The following NEDD4L variants were observed in gnomAD, a reference collection of about 807,000 sequenced individuals.
The protein encoded by NEDD4L is NEDD4 like E3 ubiquitin protein ligase, also known as E3 ubiquitin-protein ligase NEDD4-like.
A neutral mutation model predicts 148.9 loss-of-function variants in NEDD4L; 54 were observed. The observed-to-expected ratio is 0.36, with a 90% CI of 0.29 to 0.45. The LOEUF (loss-of-function observed/expected upper bound fraction) is 0.45. Ranked by LOEUF, NEDD4L falls within the 20% of genes least tolerant of loss-of-function variation. The pLI is 1.00. For synonymous variants in NEDD4L, 433 were observed against 440.7 expected, an observed-to-expected ratio of 0.98 and a Z score of 0.22; for missense variants, 856 against 1,233.8, an observed-to-expected ratio of 0.69 and a Z score of 4.59.
At chr18:58,354,931 G>A (rs1235372045) in intron 18 of NEDD4L, among the ~76,000 whole-genome samples, 3 of 152,200 alleles carry the variant, frequency 2.0e-5, no homozygotes, top group Admixed American at 1.3e-4. Flanking sequence ...ATGCGTGGAG[G>A]TGTGTGAATA....
intron 1 of NEDD4L, among the ~76,000 whole-genome samples, chr18:58,127,666 C>T (rs1313699231): frequency 6.6e-6 from 1 of 151,946 alleles, no homozygotes; most frequent in African/African-American, 2.4e-5. Flanking sequence ...CAGTGAAACC[C>T]CATCTCTACT....
At position 58,330,748 on chromosome 18, in the gene NEDD4L, C is replaced by T; in HGVS notation, c.824C>T (p.Thr275Ile). ...EGGDVPEPWE[T>I]ISEEVNIAGD... ...CTCCTTCTCTGAAAGCCTTGGGAGA[C>T]CATTTCAGAGGAAGTGAATATCGCT... Residue 275 changes from threonine to isoleucine, a missense_variant, in exon 11 of 31, where the codon ACC becomes ATC. By Grantham distance (89) the Thr-to-Ile change is moderately conservative. Around this residue, in one of 4 missense-constraint regions of NEDD4L, gnomAD observed 367 missense variants for 422.7 expected, o/e 0.87. Transcript: ENST00000400345. 3 of 1,595,130 alleles carry T rather than the reference C, an allele frequency of 1.9e-6. No individual in the cohort carries two copies. The highest frequency in any genetic ancestry group is 2.6e-6 in the Non-Finnish European group (3 of 1,168,444).
At chr18:58,094,783 G>T (rs1221655430) in intron 1 of NEDD4L, among the ~76,000 whole-genome samples, 1 of 152,092 alleles carries the variant, frequency 6.6e-6, no homozygotes, top group Non-Finnish European at 1.5e-5. Flanking sequence ...CACCTTGAGG[G>T]CCTTACAGAC....
intron 1 of NEDD4L, among the ~76,000 whole-genome samples, chr18:58,151,343 T>G (rs2034709712): frequency 6.6e-6 from 1 of 152,226 alleles, no homozygotes; most frequent in Non-Finnish European, 1.5e-5. Context: ...TTTCTTTCTC[T>G]TCAGTGTTGG....
At chr18:58,174,286 A>G (rs1399728109) in intron 2 of NEDD4L, among the ~76,000 whole-genome samples, 2 of 151,968 alleles carry the variant, frequency 1.3e-5, no homozygotes, top group Non-Finnish European at 2.9e-5. Context: ...GGAAAAGGCA[A>G]CATTTGATTC....
At chr18:58,123,722 C>T (rs1330089479) in intron 1 of NEDD4L, among the ~76,000 whole-genome samples, 1 of 152,140 alleles carries the variant, frequency 6.6e-6, no homozygotes, top group East Asian at 1.9e-4. Flanking sequence ...CACCTCCCAT[C>T]ATTCTCCTAG....
chr18:58,108,380 C>T (rs549832067), intron 1 of NEDD4L, among the ~76,000 whole-genome samples: 3 of 152,214 alleles, frequency 2.0e-5, no homozygotes, highest in Admixed American at 2.0e-4. Context: ...AATTAAACTT[C>T]TTAAGTATAC....
chr18:58,366,256 G>T lies in NEDD4L; in HGVS notation c.2063+28G>T. On this transcript the variant is annotated intron_variant, in intron 21 of 30. Coordinates refer to ENST00000400345, the MANE Select transcript of NEDD4L (RefSeq NM_001144967.3). The surrounding 1 kb of genome is among the most constrained non-coding windows in gnomAD (Gnocchi z 4.2). ...AAGTATATGGCCACACCCAGTGTGTGTCCCCCACTGAGACAGTTGTATGAA... is the reference window on the plus strand; with the variant it reads ...AAGTATATGGCCACACCCAGTGTGTTTCCCCCACTGAGACAGTTGTATGAA... 1 of 1,438,776 alleles carries T rather than the reference G, an allele frequency of 7.0e-7. No homozygotes were observed. Among genetic ancestry groups the T allele is most frequent in the Admixed American group, 2.1e-5 (1 of 46,960 alleles). The allele number at this position is 1,438,776 out of a possible 1,614,324, so 89.1% of individuals were successfully genotyped here. A position where few individuals can be genotyped will look rare whatever the true frequency, so the allele number is the denominator to read the frequency against.
intron 9 of NEDD4L, 39 bp from the exon 10 acceptor site, chr18:58,328,956 A>T: frequency 6.2e-7 from 1 of 1,612,562 alleles, no homozygotes; most frequent in Non-Finnish European, 8.5e-7. Context: ...GATCTCAACC[A>T]CTTCTCTTCT....
chr18:58,391,048 A>G (rs577333628), intron 29 of NEDD4L, among the ~76,000 whole-genome samples: 73 of 151,694 alleles, frequency 4.8e-4, no homozygotes, highest in African/African-American at 1.7e-3. Context: ...AGGGTCATTT[A>G]TATGGTCGTA....
chr18:58,333,064 G>C (rs2041210486), intron 11 of NEDD4L, among the ~76,000 whole-genome samples: 2 of 151,932 alleles, frequency 1.3e-5, no homozygotes, highest in Non-Finnish European at 2.9e-5. Flanking sequence ...ATCATCTGAG[G>C]TCAGGAGGTC....
intron 1 of NEDD4L, among the ~76,000 whole-genome samples, chr18:58,053,141 C>T (rs1877204179): frequency 6.6e-6 from 1 of 152,162 alleles, no homozygotes; most frequent in Admixed American, 6.5e-5. Flanking sequence ...CCAATGGTTT[C>T]CCAGGCACAC....
chr18:58,059,071 A>G (rs1489484128), intron 1 of NEDD4L, among the ~76,000 whole-genome samples: 1 of 152,172 alleles, frequency 6.6e-6, no homozygotes, highest in Non-Finnish European at 1.5e-5. Context: ...TGCAATATAG[A>G]TTACTCCTCC....
At chr18:58,250,934 G>T (rs1407315648) in intron 4 of NEDD4L, among the ~76,000 whole-genome samples, 1 of 152,130 alleles carries the variant, frequency 6.6e-6, no homozygotes, top group African/African-American at 2.4e-5. Context: ...GTGAGGTTTT[G>T]GTAAGGAAAA....
chr18:58,378,175 A>G (rs2047823550), intron 24 of NEDD4L, among the ~76,000 whole-genome samples: 1 of 152,144 alleles, frequency 6.6e-6, no homozygotes, highest in African/African-American at 2.4e-5. Flanking sequence ...AGGAATGATT[A>G]CCCAAAGGGA....
At chr18:58,063,477 T>C (rs542594992) in intron 1 of NEDD4L, among the ~76,000 whole-genome samples, 1 of 152,356 alleles carries the variant, frequency 6.6e-6, no homozygotes, top group African/African-American at 2.4e-5. Flanking sequence ...ATTGTGCTTA[T>C]GTTTTTTTCT....
At chr18:58,267,754 C>G (rs912842899) in intron 5 of NEDD4L, among the ~76,000 whole-genome samples, 1 of 152,088 alleles carries the variant, frequency 6.6e-6, no homozygotes, top group Non-Finnish European at 1.5e-5. Flanking sequence ...TGCACTTTTG[C>G]ACCAGCGAGT....
chr18:58,223,850 G>A (rs534761980), intron 2 of NEDD4L, among the ~76,000 whole-genome samples: 13 of 152,160 alleles, frequency 8.5e-5, no homozygotes, highest in South Asian at 4.2e-4. Context: ...TCTTGACTGC[G>A]TTCCCAGTGG....
At chr18:58,347,763 G>A (rs141700426) in intron 16 of NEDD4L, among the ~76,000 whole-genome samples, 6 of 152,242 alleles carry the variant, frequency 3.9e-5, no homozygotes, top group African/African-American at 4.8e-5. Flanking sequence ...TTTGTTGTTC[G>A]TGGTCTTTTT....
Sources: allele counts gnomAD v4.1 joint callset (sites outside exome capture counted in the v4.1 genomes callset), GRCh38; gene constraint gnomAD v4.1.1; regional missense constraint gnomAD v4.1.1; non-coding constraint Gnocchi (gnomAD v3.1); transcripts MANE v1.5; gene names NCBI Gene and HGNC (gene_info 2026-07-23, HGNC 2026-07-21).